TFRC: variants seen among roughly 807,000 people sequenced by gnomAD.
TFRC encodes the protein transferrin receptor protein 1.
Under a neutral mutation model 85.8 loss-of-function variants are expected in TFRC, and 35 were observed. The observed-to-expected ratio is 0.41, with a 90% CI of 0.31 to 0.54. TFRC has a LOEUF of 0.54. TFRC is among the 20% of genes least tolerant of loss of function. The pLI, the probability that TFRC is intolerant of heterozygous loss-of-function variation, is 0.31. For missense variants in TFRC, 828 were observed against 921.5 expected, an observed-to-expected ratio of 0.90 and a Z score of 1.31; for synonymous variants, 362 against 328.6, an observed-to-expected ratio of 1.10 and a Z score of -1.10.
intron 9 of TFRC, 51 bp downstream of exon 9, chr3:196,067,467 C>T: frequency 6.4e-7 from 1 of 1,560,698 alleles, no homozygotes; most frequent in East Asian, 2.3e-5. Flanking sequence ...TACCGTTCTT[C>T]CCTAATCATA....
rs757559861 is a variant in TFRC, at chr3:196,075,248, T to C, written c.149A>G (p.Asn50Ser). 9 of 1,614,144 alleles carry C rather than the reference T, an allele frequency of 5.6e-6. No homozygotes were observed. The highest frequency in any genetic ancestry group is 5.5e-5 in the South Asian group (5 of 91,086). ...LAVDEEENADNNTKANVTKPK... is the reference protein window; with the variant it reads ...LAVDEEENADSNTKANVTKPK... ...TTTTGTGACATTGGCCTTTGTGTTA[T>C]TGTCAGCATTTTCTTCTTCATCTAC... Residue 50 changes from asparagine to serine, a missense_variant, in exon 3 of 19, where the codon AAT (asparagine) becomes AGT (serine). Asn to Ser is a conservative substitution (Grantham distance 46, BLOSUM62 1). Transcript: ENST00000360110.
At position 196,051,964 on chromosome 3, in the gene TFRC, C is replaced by T. The variant is rs76501840; in HGVS notation, c.2261G>A (p.Trp754Ter). 1 of 1,614,138 alleles carries T rather than the reference C, an allele frequency of 6.2e-7. No individual in the cohort carries two copies. The highest frequency in any genetic ancestry group is 8.5e-7 in the Non-Finnish European group (1 of 1,180,036). The change falls in exon 19 of 19, where the codon TGG becomes TAG. Residue 754 changes from tryptophan (W) to a stop codon, truncating the protein, a stop_gained. Transcript: ENST00000360110. LOFTEE classifies it high-confidence loss of function. ...CATTTAAAACTCATTGTCAATGTCC[C>T]AAACGTCACCAGAGAGGGCATTTGC... is the stretch of plus-strand genomic sequence containing the variant. ...GAANALSGDVWDIDNEF is the reference protein window; with the variant it reads ...GAANALSGDV
intron 1 of TFRC, among the ~76,000 whole-genome samples, chr3:196,078,974 A>C (rs575082957): frequency 6.6e-6 from 1 of 152,076 alleles, no homozygotes; most frequent in Admixed American, 6.6e-5. Context: ...GGATTTTACC[A>C]CGTTGGCCAG....
chr3:196,068,870 G>A (rs1717953344), intron 7 of TFRC, among the ~76,000 whole-genome samples: 1 of 147,978 alleles, frequency 6.8e-6, no homozygotes, highest in Non-Finnish European at 1.5e-5. Flanking sequence ...GGCGGAGGTT[G>A]CAGTGAGCTG....
chr3:196,060,055 C>T, intron 14 of TFRC, 125 bp downstream of exon 14: 1 of 694,642 alleles, frequency 1.4e-6, no homozygotes, highest in Non-Finnish European at 2.4e-6. Context: ...AATAACGCTG[C>T]TATAAAATTT....
At chr3:196,071,730 C>T (rs1718226459) in intron 5 of TFRC, among the ~76,000 whole-genome samples, 1 of 152,146 alleles carries the variant, frequency 6.6e-6, no homozygotes, top group Non-Finnish European at 1.5e-5. Context: ...TCGAGACCAT[C>T]CCACCTCTAC....
rs368437950 is a variant in TFRC, at chr3:196,065,021, G to A, written c.1198+422C>T. On this transcript the variant is annotated intron_variant, in intron 10 of 18. Transcript: ENST00000360110. ...GCCTGTAATCCCAGCACTTTGGGAG[G>A]CTGAGGGAGGCAGATCACCTGAGGT... Among the ~76,000 whole-genome samples the A allele has an allele frequency of 3.3e-5, 5 of 152,284 alleles. No homozygotes were observed. In the South Asian group the frequency reaches 6.2e-4, roughly 19 times the overall value.
chr3:196,062,991 G>A (rs1717412158), intron 11 of TFRC, 52 bp from the exon 12 acceptor site: 4 of 1,447,682 alleles, frequency 2.8e-6, no homozygotes, highest in Non-Finnish European at 3.9e-6. Flanking sequence ...ACACAGACAA[G>A]GATGGAAGGT....
intron 3 of TFRC, chr3:196,074,440 G>C (rs1223887705): frequency 4.6e-6 from 1 of 216,080 alleles, no homozygotes; most frequent in Non-Finnish European, 9.0e-6. Flanking sequence ...CTTCCTGGTG[G>C]AGTGGGAGCA....
At chr3:196,078,090 T>C (rs1718860464) in intron 1 of TFRC, among the ~76,000 whole-genome samples, 1 of 152,172 alleles carries the variant, frequency 6.6e-6, no homozygotes, top group East Asian at 1.9e-4. Flanking sequence ...ACCTTAACTT[T>C]TGTCAAAGCA....
chr3:196,068,594 G>C (rs1011513358), intron 7 of TFRC, among the ~76,000 whole-genome samples: 15 of 51,886 alleles, frequency 2.9e-4, no homozygotes, highest in South Asian at 6.3e-4. Context: ...CTGGACAAAA[G>C]AGCAAAACTC....
intron 14 of TFRC, among the ~76,000 whole-genome samples, chr3:196,059,821 T>A (rs969356537): frequency 7.2e-6 from 1 of 138,482 alleles, no homozygotes; most frequent in African/African-American, 2.7e-5. Flanking sequence ...CATTCAAAAC[T>A]ATGGTAATTG....
At chr3:196,065,210 C>T (rs555291094) in intron 10 of TFRC, among the ~76,000 whole-genome samples, 3 of 150,496 alleles carry the variant, frequency 2.0e-5, no homozygotes, top group Non-Finnish European at 3.0e-5. Context: ...TGCAGTGAGC[C>T]GAGATCACAC....
intron 17 of TFRC, among the ~76,000 whole-genome samples, chr3:196,054,161 C>T (rs183836236): frequency 1.3e-5 from 2 of 152,068 alleles, no homozygotes; most frequent in Non-Finnish European, 2.9e-5. Flanking sequence ...TGGCGTGAAC[C>T]CGGGAGGCGC....
chr3:196,070,804 T>TAATAATAATAATAAA (rs1304507630), intron 6 of TFRC, among the ~76,000 whole-genome samples: 1 of 141,580 alleles, frequency 7.1e-6, no homozygotes, highest in African/African-American at 2.5e-5. Context: ...ATAATAATAA[T>TAATAATAATAATAAA]AATAAAATAA....
chr3:196,072,138 T>C lies in TFRC; in HGVS notation c.449A>G (p.Asn150Ser). The change falls in exon 5 of 19, where the codon AAT becomes AGT. Residue 150 changes from asparagine (N) to serine (S), a missense_variant. By Grantham distance (46) the Asn-to-Ser change is conservative. Transcript: ENST00000360110. ...FTGTIKLLNE[N>S]SYVPREAGSQ... The stretch of plus-strand genomic sequence containing the variant: ...TCCAGCCTCACGAGGGACATATGAA[T>C]TTTCATTCAGCAGCCTGGAGGAGAA... 1 of 1,613,264 alleles carries C rather than the reference T, an allele frequency of 6.2e-7. No individual in the cohort carries two copies. The highest frequency in any genetic ancestry group is 8.5e-7 in the Non-Finnish European group (1 of 1,179,810).
At chr3:196,073,300 A>AG in intron 4 of TFRC, among the ~76,000 whole-genome samples, 2 of 151,870 alleles carry the variant, frequency 1.3e-5, no homozygotes, top group East Asian at 3.9e-4. Context: ...TAAAAAAAAA[A>AG]AAAAAAAAAT....
chr3:196,078,245 C>A (rs1718872910), intron 1 of TFRC, among the ~76,000 whole-genome samples: 1 of 151,842 alleles, frequency 6.6e-6, no homozygotes, highest in South Asian at 2.1e-4. Context: ...TTATTGGATA[C>A]CATTTTAAAG....
At chr3:196,062,666 C>G (rs1560075300) in intron 12 of TFRC, 21 bp from the exon 13 acceptor site, 1 of 1,593,252 alleles carries the variant, frequency 6.3e-7, no homozygotes, top group East Asian at 2.2e-5. Context: ...AGGGAAAACA[C>G]TAATAAGTAT....
Sources: gnomAD v4.1 joint callset for allele counts (sites outside exome capture counted in the v4.1 genomes callset) on GRCh38, gnomAD v4.1.1 for gene constraint, MANE v1.5 for transcripts, NCBI Gene and HGNC (gene_info 2026-07-23, HGNC 2026-07-21) for gene names.